The following PPFIBP2 variants were observed in gnomAD, a reference collection of about 807,000 sequenced individuals.
PPFIBP2 encodes the protein liprin-beta-2.
PPFIBP2 carries 118 observed loss-of-function variants against 118.3 expected under a neutral mutation model. That is an observed-to-expected ratio of 1.00 (90% CI 0.86 to 1.16). The LOEUF (loss-of-function observed/expected upper bound fraction) is 1.16, where lower values mean the gene tolerates loss of function less well. Ranked by LOEUF, PPFIBP2 falls within the 50% of genes most tolerant of loss-of-function variation. The pLI, the probability that PPFIBP2 is intolerant of heterozygous loss-of-function variation, is 0.00. For missense variants in PPFIBP2, 1,195 were observed against 1,073.1 expected, an observed-to-expected ratio of 1.11 and a Z score of -1.59; for synonymous variants, 414 against 397.4, an observed-to-expected ratio of 1.04 and a Z score of -0.50.
downstream of PPFIBP2, among the ~76,000 whole-genome samples, chr11:7,658,185 G>A (rs1854805458): frequency 2.0e-5 from 3 of 151,474 alleles, no homozygotes; most frequent in Admixed American, 2.0e-4. Context: ...TAGGGTACAT[G>A]TGCACATTGT....
chr11:7,522,313 T>C (rs1849831647), intron 1 of PPFIBP2, among the ~76,000 whole-genome samples: 1 of 152,122 alleles, frequency 6.6e-6, no homozygotes, highest in Non-Finnish European at 1.5e-5. Flanking sequence ...GGGAGAAGAA[T>C]GAGGCAACTG....
chr11:7,610,635 GC>G, intron 6 of PPFIBP2: 1 of 518,262 alleles, frequency 1.9e-6, no homozygotes. Context: ...TGGCTCTAAG[GC>G]TTTATCTGCC....
chr11:7,549,343 A>G (rs1294522548), intron 1 of PPFIBP2, 97 bp from the exon 2 acceptor site: 3 of 1,088,522 alleles, frequency 2.8e-6, no homozygotes, highest in Non-Finnish European at 4.1e-6. Flanking sequence ...TTATGAAAAC[A>G]CGTTGTGTGA....
At chr11:7,651,112 T>C in intron 22 of PPFIBP2, 147 bp downstream of exon 22, 1 of 828,338 alleles carries the variant, frequency 1.2e-6, no homozygotes, top group Non-Finnish European at 1.8e-6. Context: ...TCAAAGTATT[T>C]TGATAACTTG....
chr11:7,665,308 GTGAAATTGAACTTACTCTGAAACAGA>G, the PPFIBP2 span: 247 of 1,322,884 alleles, frequency 1.9e-4, 1 homozygote, highest in African/African-American at 3.2e-3. Context: ...GTTTACCGTG[GTGAAATTGAACTTACTCTGAAACAGA>G]TGAAAAGGGA....
At chr11:7,558,250 A>G (rs1027951076) in intron 2 of PPFIBP2, among the ~76,000 whole-genome samples, 1 of 152,198 alleles carries the variant, frequency 6.6e-6, no homozygotes, top group Non-Finnish European at 1.5e-5. Flanking sequence ...GGCAGGTGGA[A>G]GAGATATGAG....
At chr11:7,663,397 A>G in the PPFIBP2 span, among the ~76,000 whole-genome samples, 34 of 150,628 alleles carry the variant, frequency 2.3e-4, no homozygotes, top group African/African-American at 4.4e-4. Flanking sequence ...GTCTGTTGGA[A>G]TACCCTGCTG....
intron 1 of PPFIBP2, among the ~76,000 whole-genome samples, chr11:7,524,192 A>G (rs150342083): frequency 2.0e-5 from 3 of 151,998 alleles, no homozygotes; most frequent in African/African-American, 7.3e-5. Flanking sequence ...TAATAGGGAC[A>G]AGGGGGACAG....
chr11:7,630,313 CTTTT>C (rs1029594256), intron 10 of PPFIBP2, among the ~76,000 whole-genome samples: 1 of 152,062 alleles, frequency 6.6e-6, no homozygotes, highest in East Asian at 1.9e-4. Context: ...ACACAGCCCT[CTTTT>C]TTTTCTCTTT....
chr11:7,625,650 T>C, intron 7 of PPFIBP2, 127 bp from the exon 8 acceptor site: 1 of 709,132 alleles, frequency 1.4e-6, no homozygotes, highest in Non-Finnish European at 2.5e-6. Context: ...CCCCTGCTCC[T>C]GCTCACCTCT....
intron 5 of PPFIBP2, among the ~76,000 whole-genome samples, chr11:7,601,900 C>T (rs957563133): frequency 6.6e-6 from 1 of 151,044 alleles, no homozygotes; most frequent in Non-Finnish European, 1.5e-5. Flanking sequence ...TCGAGAACAG[C>T]CTGACCAACA....
rs74815629 is a variant in PPFIBP2 at position 7,623,313 on chromosome 11, C to T, written c.711+2286C>T. On this transcript the variant is annotated intron_variant, in intron 7 of 23. Coordinates refer to ENST00000299492, the MANE Select transcript of PPFIBP2 (RefSeq NM_003621.5). ...AGCACTTGCAGGGACCCAGAGCATC[C>T]GTCTCTGCCCAACTGCCTGTCTGCA... Among the ~76,000 whole-genome samples the T allele has an allele frequency of 1.7e-3, 254 of 152,304 alleles. 1 individual carries two copies. The highest frequency in any genetic ancestry group is 5.9e-3 in the African/African-American group (245 of 41,566).
At chr11:7,614,070 G>A (rs1198732750) in intron 6 of PPFIBP2, among the ~76,000 whole-genome samples, 1 of 152,210 alleles carries the variant, frequency 6.6e-6, no homozygotes, top group African/African-American at 2.4e-5. Flanking sequence ...CACAGAGTGA[G>A]ATCTGGGAAG....
chr11:7,662,592 G>T, the PPFIBP2 span, among the ~76,000 whole-genome samples: 9 of 147,736 alleles, frequency 6.1e-5, no homozygotes, highest in African/African-American at 2.0e-4. Flanking sequence ...TTTTTCCTTC[G>T]TTTCAACTTT....
intron 1 of PPFIBP2, among the ~76,000 whole-genome samples, chr11:7,526,479 C>A (rs1488373198): frequency 6.6e-6 from 1 of 152,162 alleles, no homozygotes; most frequent in Non-Finnish European, 1.5e-5. Context: ...TTTACCCTGT[C>A]GGTAGTGGGG....
chr11:7,621,308 G>T (rs1849327268), intron 7 of PPFIBP2, among the ~76,000 whole-genome samples: 1 of 152,166 alleles, frequency 6.6e-6, no homozygotes, highest in Non-Finnish European at 1.5e-5. Flanking sequence ...CCAAGAAGGG[G>T]CTAGGAGTGG....
intron 3 of PPFIBP2, among the ~76,000 whole-genome samples, chr11:7,566,566 C>T (rs1367334473): frequency 6.6e-6 from 1 of 152,126 alleles, no homozygotes; most frequent in Non-Finnish European, 1.5e-5. Flanking sequence ...TGGGGTTTCC[C>T]TATGTTGTCC....
At chr11:7,638,661 A>G (rs962251711) in intron 14 of PPFIBP2, among the ~76,000 whole-genome samples, 3 of 152,214 alleles carry the variant, frequency 2.0e-5, no homozygotes, top group African/African-American at 7.2e-5. Flanking sequence ...TACTTTCTTC[A>G]GGATCTAATC....
In PPFIBP2 at chr11:7,593,712, CAG is replaced by C. The variant is rs572799344; in HGVS notation, c.372+489_372+490del. Among the ~76,000 whole-genome samples, 301 of 152,294 alleles carry C rather than the reference CAG, an allele frequency of 2.0e-3. 1 individual carries two copies. The highest frequency in any genetic ancestry group is 3.7e-3 in the Non-Finnish European group (253 of 68,032). ...ATGCCAAATCCCCTGGAGCTGGTAA[CAG>C]GGGCTAAGCCTTTGATAGCTGTCTT... is the stretch of plus-strand genomic sequence containing the variant. On this transcript the variant is annotated intron_variant, in intron 4 of 23. Transcript: ENST00000299492.
Sources: gnomAD v4.1 joint callset for allele counts (sites outside exome capture counted in the v4.1 genomes callset) on GRCh38, gnomAD v4.1.1 for gene constraint, MANE v1.5 for transcripts, NCBI Gene and HGNC (gene_info 2026-07-23, HGNC 2026-07-21) for gene names.